LMBR1: variants seen among roughly 807,000 people sequenced by gnomAD.
The protein encoded by LMBR1 is limb region 1 protein homolog.
LMBR1 carries 52 observed loss-of-function variants against 73.9 expected under a neutral mutation model. That is an observed-to-expected ratio of 0.70 (90% CI 0.56 to 0.89). The LOEUF is 0.89. LMBR1 is among the 40% of genes least tolerant of loss of function. The pLI is 0.00. For missense variants in LMBR1, 539 were observed against 579.8 expected (o/e 0.93, Z 0.72); for synonymous variants, 215 against 209.4 (o/e 1.03, Z -0.23).
intron 4 of LMBR1, among the ~76,000 whole-genome samples, chr7:156,796,937 A>C (rs182481852): frequency 1.1e-3 from 175 of 152,362 alleles, no homozygotes; most frequent in African/African-American, 4.1e-3. Flanking sequence ...TTGAGCCCTT[A>C]TGTGCCAAGC....
intron 15 of LMBR1, among the ~76,000 whole-genome samples, chr7:156,723,473 T>C (rs1018881578): frequency 2.0e-5 from 3 of 152,166 alleles, no homozygotes; most frequent in Non-Finnish European, 2.9e-5. Flanking sequence ...ACTCAGAATA[T>C]GGTCTACAAT....
intron 5 of LMBR1, among the ~76,000 whole-genome samples, chr7:156,787,816 G>T (rs979098790): frequency 1.3e-5 from 2 of 151,760 alleles, no homozygotes; most frequent in Non-Finnish European, 2.9e-5. Context: ...TCGCTCTGTC[G>T]CCCAGGCTGG....
intron 5 of LMBR1, among the ~76,000 whole-genome samples, chr7:156,782,206 A>C (rs887286703): frequency 1.3e-5 from 2 of 152,168 alleles, no homozygotes; most frequent in Non-Finnish European, 1.5e-5. Context: ...CGTGTGGTTT[A>C]CTCATTATTC....
At chr7:156,730,862 T>C (rs1434881321) in intron 10 of LMBR1, among the ~76,000 whole-genome samples, 2 of 151,830 alleles carry the variant, frequency 1.3e-5, no homozygotes, top group Admixed American at 6.6e-5. Flanking sequence ...ACTTGAACCA[T>C]GAGGTGGAGG....
chr7:156,792,962 T>C (rs1410747145), intron 5 of LMBR1, among the ~76,000 whole-genome samples: 1 of 152,160 alleles, frequency 6.6e-6, no homozygotes, highest in Non-Finnish European at 1.5e-5. Flanking sequence ...TACAAGTTTG[T>C]CATTGCTCAA....
At position 156,888,149 on chromosome 7, in the gene LMBR1, G is replaced by A. The variant is rs538428157; in HGVS notation, c.66+4779C>T. ...ATAGAGGCCGGGCGTGGTGGCTCACGCCTGTAATCCCAGCACTTTGGGAGG... is the reference window on the plus strand; with the variant it reads ...ATAGAGGCCGGGCGTGGTGGCTCACACCTGTAATCCCAGCACTTTGGGAGG... On this transcript the variant is annotated intron_variant, in intron 1 of 16. Coordinates refer to ENST00000353442, the MANE Select transcript of LMBR1 (RefSeq NM_022458.4). Among the ~76,000 whole-genome samples the A allele has an allele frequency of 1.5e-3, 234 of 152,260 alleles. 1 individual carries two copies. The highest frequency in any genetic ancestry group is 2.4e-3 in the Non-Finnish European group (162 of 68,012).
intron 1 of LMBR1, among the ~76,000 whole-genome samples, chr7:156,869,927 T>C (rs1353245199): frequency 1.3e-5 from 2 of 152,054 alleles, no homozygotes; most frequent in Non-Finnish European, 2.9e-5. Context: ...CAAGTTTTTG[T>C]TTACAAAGGA....
At chr7:156,727,722 G>GA (rs760262814) in intron 12 of LMBR1, among the ~76,000 whole-genome samples, 3 of 151,912 alleles carry the variant, frequency 2.0e-5, no homozygotes, top group Admixed American at 6.6e-5. Flanking sequence ...TCCAACACTT[G>GA]AAAAAAGGCC....
At chr7:156,839,107 T>C (rs1159576202) in intron 1 of LMBR1, among the ~76,000 whole-genome samples, 2 of 143,218 alleles carry the variant, frequency 1.4e-5, no homozygotes, top group East Asian at 2.2e-4. Context: ...TGGAGTGCAA[T>C]GGCGCGATCT....
intron 8 of LMBR1, among the ~76,000 whole-genome samples, chr7:156,757,096 G>T (rs1393386639): frequency 1.3e-5 from 2 of 152,272 alleles, no homozygotes; most frequent in East Asian, 1.9e-4. Context: ...GATTATAGAA[G>T]TGAGCCACCA....
chr7:156,785,848 G>A (rs903012680), intron 5 of LMBR1, among the ~76,000 whole-genome samples: 1 of 152,094 alleles, frequency 6.6e-6, no homozygotes, highest in Non-Finnish European at 1.5e-5. Context: ...AAGATGATGG[G>A]TCTCACAACA....
chr7:156,724,204 T>C (rs371092600), intron 14 of LMBR1, 26 bp from the exon 15 acceptor site: 28 of 1,574,716 alleles, frequency 1.8e-5, no homozygotes, highest in Middle Eastern at 1.7e-4. Context: ...AGAAAGAATA[T>C]TGGGCAGTTA....
chr7:156,849,359 G>C (rs145327203), intron 1 of LMBR1, among the ~76,000 whole-genome samples: 9 of 152,270 alleles, frequency 5.9e-5, no homozygotes, highest in Non-Finnish European at 1.3e-4. Context: ...GTCTACTTGA[G>C]GATGGGAGGG....
Position 156,736,216 on chromosome 7 carries a change from G to A in LMBR1, c.758-1959C>T, listed in dbSNP as rs753283896. 3.9e-5 allele frequency among the ~76,000 whole-genome samples: 6 copies of A among 152,250 alleles called. No homozygotes were observed. In the East Asian group the frequency reaches 5.8e-4, roughly 15 times the overall value. On this transcript the variant is annotated intron_variant, in intron 9 of 16. Transcript: ENST00000353442. ...CAATCTCATCTAACCGGGGAAATCC[G>A]CAAATCCAAATCAGGTACTTTACTA...
chr7:156,718,845 T>C (rs922331455), intron 15 of LMBR1, among the ~76,000 whole-genome samples: 4 of 151,876 alleles, frequency 2.6e-5, no homozygotes, highest in Non-Finnish European at 5.9e-5. Context: ...ATTTTAACTG[T>C]AACGTTTTTC....
intron 15 of LMBR1, among the ~76,000 whole-genome samples, chr7:156,723,358 A>G (rs1815013207): frequency 6.6e-6 from 1 of 152,108 alleles, no homozygotes; most frequent in East Asian, 1.9e-4. Flanking sequence ...TAATGATCAA[A>G]ATTTTCCAAT....
chr7:156,695,875 AAAAG>A (rs757211557), intron 15 of LMBR1, among the ~76,000 whole-genome samples: 6 of 152,076 alleles, frequency 3.9e-5, no homozygotes, highest in Admixed American at 2.0e-4. Flanking sequence ...TGGAAAAAAA[AAAAG>A]AGAGAGCACA....
chr7:156,693,322 G>A (rs1347101302), intron 15 of LMBR1, among the ~76,000 whole-genome samples: 1 of 151,830 alleles, frequency 6.6e-6, no homozygotes, highest in East Asian at 1.9e-4. Flanking sequence ...GACTGAAGCA[G>A]AAATAAATGA....
chr7:156,722,997 AG>A (rs1353976244), intron 15 of LMBR1, among the ~76,000 whole-genome samples: 1 of 152,126 alleles, frequency 6.6e-6, no homozygotes, highest in Non-Finnish European at 1.5e-5. Context: ...ACATCAAATC[AG>A]GTTGCTAAAG....
Sources: allele counts gnomAD v4.1 joint callset (sites outside exome capture counted in the v4.1 genomes callset), GRCh38; gene constraint gnomAD v4.1.1; transcripts MANE v1.5; gene names NCBI Gene and HGNC (gene_info 2026-07-23, HGNC 2026-07-21).